MYO1B: variants seen among roughly 807,000 people sequenced by gnomAD.
MYO1B encodes the protein unconventional myosin-Ib.
In MYO1B, 72 loss-of-function variants were observed where a neutral mutation model predicts 159.7. That is an observed-to-expected ratio of 0.45 (90% CI 0.37 to 0.55). The LOEUF is 0.55. Ranked by LOEUF, MYO1B falls within the 20% of genes least tolerant of loss-of-function variation. The pLI is 0.00. For missense variants in MYO1B, 1,062 were observed against 1,364.8 expected (o/e 0.78, Z 3.50); for synonymous variants, 468 against 473.8 (o/e 0.99, Z 0.16).
chr2:191,367,464 A>C (rs927292653), intron 11 of MYO1B, among the ~76,000 whole-genome samples: 76 of 152,182 alleles, frequency 5.0e-4, no homozygotes, highest in Non-Finnish European at 7.1e-4. Flanking sequence ...TTTCCTGTTC[A>C]TTTCTATCAC....
At chr2:191,342,837 ACT>A (rs1488680322) in intron 5 of MYO1B, among the ~76,000 whole-genome samples, 2 of 151,740 alleles carry the variant, frequency 1.3e-5, no homozygotes, top group Admixed American at 6.6e-5. Flanking sequence ...ACAGAGGAAG[ACT>A]CTGTCTCAAA....
chr2:191,370,502 AGTGT>A (rs58911860), intron 13 of MYO1B, among the ~76,000 whole-genome samples: 10,410 of 148,048 alleles, frequency 0.07, 981 homozygotes, highest in African/African-American at 0.2. Flanking sequence ...TGTGTGCCTG[AGTGT>A]GTGTGTGTGT....
chr2:191,360,647 T>A lies in MYO1B; in HGVS notation c.579T>A (p.Ser193=), dbSNP rs555892949. 6.2e-7 allele frequency: 1 copy of A among 1,611,658 alleles called. No homozygotes were observed. The highest frequency in any genetic ancestry group is 1.3e-5 in the African/African-American group (1 of 74,974). Residue 193 remains serine, a synonymous_variant, in exon 8 of 31, where the codon TCT becomes TCA. Transcript: ENST00000392318. ...TCTCTTTAGATCTTTTAGAGAAATCTCGGGTTGTTAAACAGCCAAGAGGTG... is the reference window on the plus strand; with the variant it reads ...TCTCTTTAGATCTTTTAGAGAAATCACGGGTTGTTAAACAGCCAAGAGGTG... The part of the protein sequence containing the change: ...GVISNYLLEK[S]RVVKQPRGER...
chr2:191,296,295 G>A, intron 3 of MYO1B, 69 bp downstream of exon 3: 3 of 737,900 alleles, frequency 4.1e-6, no homozygotes, highest in Non-Finnish European at 6.0e-6. Context: ...GATGTGTGCA[G>A]CTGTCTCCTT....
chr2:191,331,071 G>A (rs1574444600), intron 4 of MYO1B, among the ~76,000 whole-genome samples: 1 of 152,236 alleles, frequency 6.6e-6, no homozygotes, highest in East Asian at 1.9e-4. Context: ...TACTCCACTT[G>A]CCTTAGGCGT....
intron 26 of MYO1B, among the ~76,000 whole-genome samples, chr2:191,410,210 C>T (rs115991822): frequency 2.2e-4 from 33 of 152,264 alleles, no homozygotes; most frequent in African/African-American, 7.7e-4. Context: ...CCACCTCTGC[C>T]CTCCCCTGGC....
At chr2:191,379,206 G>A (rs1694901938) in intron 13 of MYO1B, 1 of 152,608 alleles carries the variant, frequency 6.6e-6, no homozygotes, top group Non-Finnish European at 1.5e-5. Context: ...CTCACTTTTA[G>A]AAGTTTATTG....
At chr2:191,264,254 A>C (rs532640301) in intron 1 of MYO1B, among the ~76,000 whole-genome samples, 5 of 152,202 alleles carry the variant, frequency 3.3e-5, no homozygotes, top group Non-Finnish European at 7.4e-5. Flanking sequence ...TCAACTAATA[A>C]ACATTCATGA....
intron 3 of MYO1B, among the ~76,000 whole-genome samples, chr2:191,320,698 T>C (rs1690653721): frequency 2.0e-5 from 3 of 152,156 alleles, no homozygotes; most frequent in Admixed American, 2.0e-4. Context: ...ACATACCTTT[T>C]AGTCTTGTAT....
At chr2:191,379,556 A>G (rs1016402413) in intron 13 of MYO1B, among the ~76,000 whole-genome samples, 3 of 152,206 alleles carry the variant, frequency 2.0e-5, no homozygotes, top group African/African-American at 7.2e-5. Context: ...ATAGCTACAC[A>G]ATGTGTCTGA....
intron 30 of MYO1B, among the ~76,000 whole-genome samples, chr2:191,420,536 A>G (rs1324024937): frequency 1.3e-5 from 2 of 152,238 alleles, no homozygotes; most frequent in East Asian, 3.8e-4. Context: ...CAGTACAATA[A>G]CACGCTGTAG....
intron 13 of MYO1B, among the ~76,000 whole-genome samples, chr2:191,370,609 C>T (rs910397946): frequency 2.0e-5 from 3 of 152,042 alleles, no homozygotes; most frequent in East Asian, 1.9e-4. Context: ...TTTGAAATTG[C>T]GTATTTAAAT....
intron 7 of MYO1B, among the ~76,000 whole-genome samples, chr2:191,350,735 T>G (rs1359881787): frequency 6.6e-6 from 1 of 151,622 alleles, no homozygotes; most frequent in East Asian, 1.9e-4. Flanking sequence ...ACTTGTTAGG[T>G]AAAACAGATT....
At chr2:191,390,186 CAT>C (rs1423373838) in intron 17 of MYO1B, 104 bp from the exon 18 acceptor site, 2 of 1,031,610 alleles carry the variant, frequency 1.9e-6, no homozygotes, top group Non-Finnish European at 2.7e-6. Flanking sequence ...TTAAGAATAA[CAT>C]AATTGTTTTG....
Position 191,409,190 on chromosome 2 carries a change from C to A in MYO1B, c.2766+12C>A. On this transcript the variant is annotated intron_variant, in intron 26 of 30. Coordinates refer to ENST00000392318, the MANE Select transcript of MYO1B (RefSeq NM_001130158.3). The stretch of plus-strand genomic sequence containing the variant: ...TCCACTTGTGGAGGGTAAAAAATGT[C>A]ATATTACATCTTTTCGGAGACTTTC... The A allele has an allele frequency of 6.3e-7, 1 of 1,595,586 alleles. No individual in the cohort carries two copies. Among genetic ancestry groups the A allele is most frequent in the South Asian group, 1.2e-5 (1 of 86,372 alleles).
intron 15 of MYO1B, 66 bp downstream of exon 15, chr2:191,383,408 T>C (rs960124990): frequency 7.9e-6 from 6 of 759,166 alleles, no homozygotes; most frequent in Non-Finnish European, 1.2e-5. Flanking sequence ...ATAAATGTTC[T>C]CAGTGCCTCA....
Position 191,424,011 on chromosome 2 carries a change from T to C in MYO1B, c.*51T>C, listed in dbSNP as rs1370325745. 15 of 1,560,344 alleles carry C rather than the reference T, an allele frequency of 9.6e-6. No individual in the cohort carries two copies. The highest frequency in any genetic ancestry group is 1.2e-5 in the Non-Finnish European group (14 of 1,153,680). On this transcript the variant is annotated 3_prime_UTR_variant, in exon 31 of 31. Transcript: ENST00000392318. ...GACTTGTTCCTTTGTAATAGTGCAA[T>C]TTGGTTTTGTTTTATTTGGGGTTCA...
At chr2:191,414,766 C>G in intron 29 of MYO1B, 97 bp downstream of exon 29, 1 of 1,352,300 alleles carries the variant, frequency 7.4e-7, no homozygotes, top group Non-Finnish European at 9.7e-7. Flanking sequence ...ATATATCTGC[C>G]TTGCTAATTT....
chr2:191,387,124 G>C, intron 16 of MYO1B, 100 bp from the exon 17 acceptor site: 3 of 1,184,908 alleles, frequency 2.5e-6, no homozygotes, highest in Non-Finnish European at 3.6e-6. Flanking sequence ...GATGGTGAAG[G>C]AAGTGGCTGC....
Sources: gnomAD v4.1 joint callset for allele counts (sites outside exome capture counted in the v4.1 genomes callset) on GRCh38, gnomAD v4.1.1 for gene constraint, MANE v1.5 for transcripts, NCBI Gene and HGNC (gene_info 2026-07-23, HGNC 2026-07-21) for gene names.